Variants in KCNH1 observed in about 807,000 individuals in gnomAD.
KCNH1 encodes the protein potassium voltage-gated channel subfamily H member 1.
In KCNH1, 27 loss-of-function variants were observed where a neutral mutation model predicts 69.2. That is an observed-to-expected ratio of 0.39 (90% confidence interval 0.29 to 0.54). KCNH1 has a LOEUF of 0.54. Among genes scored for constraint, KCNH1 ranks in the 20% least tolerant of loss-of-function variants. The probability of loss-of-function intolerance (pLI) is 0.68; values close to 1 mark genes in which losing one functional copy is unlikely to be tolerated. For missense variants in KCNH1, 798 were observed against 1,261.6 expected, an observed-to-expected ratio of 0.63 and a Z score of 5.57; for synonymous variants, 456 against 487.7, an observed-to-expected ratio of 0.93 and a Z score of 0.86.
At chr1:211,043,003 A>G (rs537985883) in intron 5 of KCNH1, among the ~76,000 whole-genome samples, 1 of 152,278 alleles carries the variant, frequency 6.6e-6, no homozygotes, top group East Asian at 1.9e-4. Flanking sequence ...CCTACATCAA[A>G]AAGTATGAAA....
intron 7 of KCNH1, among the ~76,000 whole-genome samples, chr1:210,915,545 G>A (rs552950688): frequency 1.3e-5 from 2 of 151,638 alleles, no homozygotes; most frequent in East Asian, 4.0e-4. Context: ...CACAGGGAAG[G>A]CAGGGAAACC....
intron 10 of KCNH1, among the ~76,000 whole-genome samples, chr1:210,709,775 T>TCTGA (rs911497957): frequency 6.6e-6 from 1 of 151,806 alleles, no homozygotes. Context: ...AAATGATAGC[T>TCTGA]CTGACTGCTG....
intron 10 of KCNH1, among the ~76,000 whole-genome samples, chr1:210,715,024 G>C (rs910222731): frequency 6.6e-6 from 1 of 152,322 alleles, no homozygotes; most frequent in East Asian, 1.9e-4. Context: ...AGTGGGTGCA[G>C]AGGGCATGCA....
intron 7 of KCNH1, among the ~76,000 whole-genome samples, chr1:210,897,426 T>C (rs1686892577): frequency 6.6e-6 from 1 of 152,166 alleles, no homozygotes; most frequent in Admixed American, 6.5e-5. Flanking sequence ...GGAGCTTACA[T>C]AGGATCTACT....
chr1:210,740,703 AATTTTTTTT>A (rs1210620417), intron 10 of KCNH1, among the ~76,000 whole-genome samples: 5 of 135,526 alleles, frequency 3.7e-5, no homozygotes, highest in African/African-American at 1.6e-4. Context: ...TTTATGATTA[AATTTTTTTT>A]TTTTTTTTTT....
chr1:211,052,293 G>A (rs1031605115), intron 5 of KCNH1, among the ~76,000 whole-genome samples: 3 of 152,188 alleles, frequency 2.0e-5, no homozygotes, highest in Admixed American at 6.5e-5. Flanking sequence ...GCACTGGTTC[G>A]GCCACTACCC....
chr1:211,081,906 T>C (rs1010550245), intron 5 of KCNH1, among the ~76,000 whole-genome samples: 2 of 152,152 alleles, frequency 1.3e-5, no homozygotes, highest in African/African-American at 4.8e-5. Context: ...ACATGGCACA[T>C]GTATACCTAT....
intron 10 of KCNH1, among the ~76,000 whole-genome samples, chr1:210,725,248 T>A (rs1682559313): frequency 6.6e-6 from 1 of 152,188 alleles, no homozygotes; most frequent in South Asian, 2.1e-4. Context: ...CAGAATTACC[T>A]ATGAAAGTAT....
rs1233620031 is a variant in KCNH1 at position 211,133,410 on chromosome 1, GCGGGGACCTGGAGTTGCC to G, written c.79+439_79+456del. On this transcript the variant is annotated intron_variant, in intron 1 of 10. Transcript: ENST00000271751. This position sits in a 1 kb window ranked among gnomAD's most constrained non-coding sequence, Gnocchi z 5.4. ...AGCCGGATCCTCCCATTCTGAGGCA[GCGGGGACCTGGAGTTGCC>G]CGTCTCTACTGCTGGCTCTCCCTGG... The G allele has an allele frequency of 6.6e-6, 1 of 152,658 alleles. No individual in the cohort carries two copies. Among genetic ancestry groups the G allele is most frequent in the Admixed American group, 6.5e-5 (1 of 15,294 alleles). The allele number at this position is 152,658 out of a possible 1,614,324, so 9.5% of individuals were successfully genotyped here.
intron 7 of KCNH1, among the ~76,000 whole-genome samples, chr1:210,871,177 T>C (rs192865304): frequency 4.6e-5 from 7 of 152,258 alleles, no homozygotes; most frequent in African/African-American, 1.4e-4. Flanking sequence ...ATATCCAGAA[T>C]CTACAATGAA....
chr1:210,720,338 G>C (rs1408695055), intron 10 of KCNH1, among the ~76,000 whole-genome samples: 1 of 152,172 alleles, frequency 6.6e-6, no homozygotes, highest in Non-Finnish European at 1.5e-5. Flanking sequence ...AAGGCAGGAG[G>C]TATAACGCAA....
At chr1:210,687,185 G>A (rs189522334) in intron 10 of KCNH1, among the ~76,000 whole-genome samples, 1 of 152,338 alleles carries the variant, frequency 6.6e-6, no homozygotes, top group East Asian at 1.9e-4. Flanking sequence ...ACGCAAAACG[G>A]ATCCCAAGAG....
chr1:210,832,460 G>T (rs1466679525), intron 7 of KCNH1, among the ~76,000 whole-genome samples: 2 of 152,094 alleles, frequency 1.3e-5, no homozygotes, highest in African/African-American at 4.8e-5. Flanking sequence ...GATTTGTTTT[G>T]TTGGCTTTGA....
intron 6 of KCNH1, among the ~76,000 whole-genome samples, chr1:211,014,128 G>T (rs2102410056): frequency 6.6e-6 from 1 of 152,262 alleles, no homozygotes; most frequent in East Asian, 1.9e-4. Context: ...CACCAGCATT[G>T]TCACCTGGGA....
At chr1:210,892,602 A>C (rs1298735259) in intron 7 of KCNH1, among the ~76,000 whole-genome samples, 1 of 152,196 alleles carries the variant, frequency 6.6e-6, no homozygotes, top group Non-Finnish European at 1.5e-5. Flanking sequence ...CTGAGTCAAA[A>C]AGTAATACAG....
At chr1:210,771,095 T>C (rs1683744713) in intron 10 of KCNH1, among the ~76,000 whole-genome samples, 1 of 152,154 alleles carries the variant, frequency 6.6e-6, no homozygotes, top group African/African-American at 2.4e-5. Context: ...TTGGTAATAA[T>C]TTACTATTTA....
chr1:210,908,396 C>T (rs933060730), intron 7 of KCNH1, among the ~76,000 whole-genome samples: 1 of 152,176 alleles, frequency 6.6e-6, no homozygotes, highest in Non-Finnish European at 1.5e-5. Context: ...GCTGCCAGCG[C>T]CTGCATGTGA....
chr1:210,790,145 T>C (rs1223230806), intron 9 of KCNH1, among the ~76,000 whole-genome samples: 1 of 152,228 alleles, frequency 6.6e-6, no homozygotes, highest in Non-Finnish European at 1.5e-5. Context: ...TATTCCTATG[T>C]TCTATCTGTG....
At chr1:210,788,876 T>C in intron 9 of KCNH1, among the ~76,000 whole-genome samples, 1 of 150,040 alleles carries the variant, frequency 6.7e-6, no homozygotes, top group African/African-American at 2.5e-5. Flanking sequence ...TTTTGTATTT[T>C]TAGTAGAGAC....
Sources: gnomAD v4.1 joint callset for allele counts (sites outside exome capture counted in the v4.1 genomes callset) on GRCh38, gnomAD v4.1.1 for gene constraint, Gnocchi (gnomAD v3.1) non-coding constraint, MANE v1.5 for transcripts, NCBI Gene and HGNC (gene_info 2026-07-23, HGNC 2026-07-21) for gene names.